The following STAU2 variants were observed in gnomAD, a reference collection of about 807,000 sequenced individuals.
STAU2 encodes staufen double-stranded RNA binding protein 2, also known as double-stranded RNA-binding protein Staufen homolog 2.
Under a neutral mutation model 65.9 loss-of-function variants are expected in STAU2, and 20 were observed. That is an observed-to-expected ratio of 0.30 (90% CI 0.21 to 0.44). The LOEUF (loss-of-function observed/expected upper bound fraction) is 0.44, where lower values mean the gene tolerates loss of function less well. Ranked by LOEUF, STAU2 falls within the 20% of genes least tolerant of loss-of-function variation. STAU2 has a pLI of 1.00. For synonymous variants in STAU2, 232 were observed against 233.9 expected, an observed-to-expected ratio of 0.99 and a Z score of 0.07; for missense variants, 558 against 683.9, an observed-to-expected ratio of 0.82 and a Z score of 2.05.
intron 5 of STAU2, among the ~76,000 whole-genome samples, chr8:73,674,132 A>C (rs1817872863): frequency 6.6e-6 from 1 of 151,506 alleles, no homozygotes; most frequent in Non-Finnish European, 1.5e-5. Context: ...AAACTAAAAA[A>C]AAAAAAAAAA....
intron 13 of STAU2, chr8:73,458,788 A>G (rs1049743681): frequency 6.6e-6 from 1 of 152,280 alleles, no homozygotes; most frequent in Admixed American, 6.5e-5. Flanking sequence ...CTGAATACAG[A>G]AAGAACAGGA....
chr8:73,602,853 A>C (rs150939392), intron 10 of STAU2, among the ~76,000 whole-genome samples: 16 of 152,304 alleles, frequency 1.1e-4, no homozygotes, highest in African/African-American at 3.6e-4. Context: ...TATTTCTTAG[A>C]AACATACACT....
chr8:73,611,299 CTTTAT>C (rs894674567), intron 9 of STAU2, among the ~76,000 whole-genome samples: 3 of 152,108 alleles, frequency 2.0e-5, no homozygotes, highest in African/African-American at 7.2e-5. Flanking sequence ...TATCTACAAG[CTTTAT>C]TTTAACATAA....
intron 3 of STAU2, among the ~76,000 whole-genome samples, chr8:73,721,116 C>CAAA (rs1159562570): frequency 2.1e-4 from 9 of 43,630 alleles, no homozygotes; most frequent in Admixed American, 2.7e-4. Context: ...CCCAACACTA[C>CAAA]AAAAAAAAAA....
chr8:73,571,295 T>A (rs1476169752), intron 12 of STAU2, among the ~76,000 whole-genome samples: 1 of 152,146 alleles, frequency 6.6e-6, no homozygotes, highest in Non-Finnish European at 1.5e-5. Flanking sequence ...ACAATAATAA[T>A]GGGAGACTTT....
At chr8:73,664,828 C>CA (rs560296092) in intron 6 of STAU2, among the ~76,000 whole-genome samples, 7 of 151,772 alleles carry the variant, frequency 4.6e-5, no homozygotes, top group Non-Finnish European at 8.8e-5. Context: ...CTGTCTCTAC[C>CA]AAAAATGCAA....
chr8:73,477,714 TGAG>T (rs1306530520), intron 13 of STAU2, among the ~76,000 whole-genome samples: 1 of 152,098 alleles, frequency 6.6e-6, no homozygotes, highest in East Asian at 1.9e-4. Context: ...AGGGATACAC[TGAG>T]GAGGACAAGA....
At chr8:73,554,171 C>T (rs1335301839) in intron 12 of STAU2, among the ~76,000 whole-genome samples, 3 of 152,202 alleles carry the variant, frequency 2.0e-5, no homozygotes, top group African/African-American at 7.2e-5. Context: ...AGCTCTGAGA[C>T]AAGCAAGACT....
chr8:73,713,010 T>G (rs562586788), intron 3 of STAU2, among the ~76,000 whole-genome samples: 1 of 152,334 alleles, frequency 6.6e-6, no homozygotes, highest in East Asian at 1.9e-4. Flanking sequence ...TTTTTTCCAC[T>G]GACTTATAAA....
chr8:73,527,792 C>G (rs1563402955), intron 13 of STAU2: 2 of 1,536,572 alleles, frequency 1.3e-6, no homozygotes, highest in South Asian at 2.4e-5. Flanking sequence ...CTTTGTCTAT[C>G]ACAGTAGTGA....
chr8:73,577,827 T>C (rs1809689946), intron 12 of STAU2, among the ~76,000 whole-genome samples: 1 of 152,240 alleles, frequency 6.6e-6, no homozygotes, highest in Non-Finnish European at 1.5e-5. Context: ...CTAAACATTT[T>C]TTCATGATTT....
At chr8:73,545,894 G>T (rs929785507) in intron 13 of STAU2, among the ~76,000 whole-genome samples, 1 of 151,712 alleles carries the variant, frequency 6.6e-6, no homozygotes, top group Non-Finnish European at 1.5e-5. Context: ...TGATCCGCCC[G>T]CCTTGGCCTC....
chr8:73,621,954 T>TC (rs1031788296), intron 6 of STAU2, among the ~76,000 whole-genome samples: 1 of 148,268 alleles, frequency 6.7e-6, no homozygotes, highest in Non-Finnish European at 1.5e-5. Context: ...TTTCTCTCTT[T>TC]TTTTTTTTTT....
chr8:73,551,930 G>C, intron 13 of STAU2, 82 bp downstream of exon 13: 16 of 1,455,280 alleles, frequency 1.1e-5, no homozygotes, highest in Non-Finnish European at 1.4e-5. Flanking sequence ...TAGCAGGCAA[G>C]AATGAGCCTT....
At chr8:73,657,366 C>G (rs1334845854) in intron 6 of STAU2, among the ~76,000 whole-genome samples, 3 of 151,962 alleles carry the variant, frequency 2.0e-5, no homozygotes, top group African/African-American at 7.3e-5. Context: ...AAGGGCCCTT[C>G]TACTTGAAAA....
At chr8:73,486,628 C>T (rs533863245) in intron 13 of STAU2, among the ~76,000 whole-genome samples, 10 of 128,912 alleles carry the variant, frequency 7.8e-5, no homozygotes, top group Admixed American at 1.6e-4. Flanking sequence ...TATATATATA[C>T]ACATTTATAA....
intron 4 of STAU2, among the ~76,000 whole-genome samples, 173 bp from the exon 5 acceptor site, chr8:73,688,986 G>C (rs1002532508): frequency 1.3e-5 from 2 of 152,180 alleles, no homozygotes; most frequent in African/African-American, 4.8e-5. Context: ...AATTTTAAGA[G>C]AGTACCAAAT....
intron 13 of STAU2, among the ~76,000 whole-genome samples, chr8:73,498,770 G>T (rs1821576287): frequency 6.6e-6 from 1 of 151,806 alleles, no homozygotes; most frequent in African/African-American, 2.4e-5. Flanking sequence ...TGTCAAAGCT[G>T]TATCCATATG....
At chr8:73,569,378 G>C (rs573313506) in intron 12 of STAU2, among the ~76,000 whole-genome samples, 1 of 152,078 alleles carries the variant, frequency 6.6e-6, no homozygotes, top group Non-Finnish European at 1.5e-5. Context: ...CTCCACCTCC[G>C]GGGGCAGGGC....
Sources: gnomAD v4.1 joint callset for allele counts (sites outside exome capture counted in the v4.1 genomes callset) on GRCh38, gnomAD v4.1.1 for gene constraint, MANE v1.5 for transcripts, NCBI Gene and HGNC (gene_info 2026-07-23, HGNC 2026-07-21) for gene names.